GMDS: variants seen among roughly 807,000 people sequenced by gnomAD.
GMDS encodes GDP-mannose 4,6-dehydratase, also known as GDP-mannose 4,6 dehydratase.
GMDS carries 20 observed loss-of-function variants against 49.9 expected under a neutral mutation model. The observed-to-expected ratio is 0.40, with a 90% CI of 0.28 to 0.58. The LOEUF (loss-of-function observed/expected upper bound fraction) is 0.58, where lower values mean the gene tolerates loss of function less well. Ranked by LOEUF, GMDS falls within the 20% of genes least tolerant of loss-of-function variation. The pLI, the probability that GMDS is intolerant of heterozygous loss-of-function variation, is 0.42. For missense variants in GMDS, 362 were observed against 481.4 expected, an observed-to-expected ratio of 0.75 and a Z score of 2.32; for synonymous variants, 177 against 178.6, an observed-to-expected ratio of 0.99 and a Z score of 0.07.
At chr6:2,203,177 T>C (rs1779628962) in intron 1 of GMDS, among the ~76,000 whole-genome samples, 1 of 152,124 alleles carries the variant, frequency 6.6e-6, no homozygotes, top group East Asian at 1.9e-4. Flanking sequence ...TGTACTGGAG[T>C]TACTTTAGGC....
At chr6:2,091,091 C>T (rs1395746530) in intron 4 of GMDS, among the ~76,000 whole-genome samples, 1 of 152,138 alleles carries the variant, frequency 6.6e-6, no homozygotes, top group East Asian at 1.9e-4. Context: ...GTATGGAAGA[C>T]TTCATAATGT....
intron 9 of GMDS, among the ~76,000 whole-genome samples, chr6:1,704,821 A>G (rs1035915014): frequency 2.7e-5 from 4 of 149,934 alleles, no homozygotes; most frequent in Non-Finnish European, 5.9e-5. Context: ...CCTGGCTATG[A>G]CAGCATTTGT....
Position 1,704,400 on chromosome 6 carries a change from G to C in GMDS, c.987+22016C>G, listed in dbSNP as rs373080399. Among the ~76,000 whole-genome samples the C allele has an allele frequency of 1.7e-4, 26 of 152,282 alleles. No individual in the cohort carries two copies. In the East Asian group the frequency reaches 4.4e-3, roughly 26 times the overall value. On this transcript the variant is annotated intron_variant, in intron 9 of 10. Transcript: ENST00000380815. ...GTGGGCTCCATGGGGGTGGGCAACA[G>C]AGAGCCACTGAGGGTAACTGAGCAA...
intron 9 of GMDS, among the ~76,000 whole-genome samples, chr6:1,676,237 A>G (rs984554400): frequency 2.0e-5 from 3 of 152,232 alleles, no homozygotes; most frequent in Non-Finnish European, 4.4e-5. Context: ...AATGTGAAGG[A>G]CCTCTTCAAG....
chr6:1,848,055 G>A lies in GMDS; in HGVS notation c.771+82048C>T, dbSNP rs976021679. 2.6e-5 allele frequency among the ~76,000 whole-genome samples: 4 copies of A among 152,288 alleles called. No individual in the cohort carries two copies. The South Asian group carries it at 8.3e-4, about 32-fold the overall frequency. ...CGAAATGAGACTTGAAGGATGTGAG[G>A]TAGAAGGCAGGCACTGCTGTTAGTT... On this transcript the variant is annotated intron_variant, in intron 7 of 10. Coordinates refer to ENST00000380815, the MANE Select transcript of GMDS (RefSeq NM_001500.4).
intron 6 of GMDS, among the ~76,000 whole-genome samples, chr6:1,953,410 A>C (rs1327084444): frequency 6.6e-6 from 1 of 152,258 alleles, no homozygotes; most frequent in Non-Finnish European, 1.5e-5. Context: ...TAATCTAATC[A>C]TTAAATTTTT....
intron 9 of GMDS, among the ~76,000 whole-genome samples, chr6:1,724,780 C>T (rs1236361989): frequency 1.3e-5 from 2 of 152,208 alleles, no homozygotes; most frequent in Admixed American, 1.3e-4. Flanking sequence ...TGGCTGGCAT[C>T]TTCCTCCCTG....
At chr6:2,059,639 C>T (rs933122790) in intron 4 of GMDS, among the ~76,000 whole-genome samples, 9 of 121,216 alleles carry the variant, frequency 7.4e-5, no homozygotes, top group Non-Finnish European at 1.3e-4. Context: ...ACCCGGGAGG[C>T]GGAGCTTGCA....
At chr6:1,831,822 C>T (rs1028220667) in intron 7 of GMDS, among the ~76,000 whole-genome samples, 5 of 152,040 alleles carry the variant, frequency 3.3e-5, no homozygotes, top group African/African-American at 1.2e-4. Context: ...GTCACCATCT[C>T]TCACCAGGTC....
intron 7 of GMDS, among the ~76,000 whole-genome samples, chr6:1,857,542 C>T (rs956297987): frequency 6.6e-6 from 1 of 152,094 alleles, no homozygotes; most frequent in Non-Finnish European, 1.5e-5. Context: ...TGGAAAGTGC[C>T]CTTAAACTTA....
intron 7 of GMDS, among the ~76,000 whole-genome samples, chr6:1,825,310 A>G (rs1237358311): frequency 6.6e-6 from 1 of 152,232 alleles, no homozygotes; most frequent in African/African-American, 2.4e-5. Context: ...TACAAAGCAT[A>G]TATTTTCTTA....
chr6:1,986,346 A>G (rs143620763), intron 4 of GMDS, among the ~76,000 whole-genome samples: 136 of 152,274 alleles, frequency 8.9e-4, no homozygotes, highest in Non-Finnish European at 1.5e-3. Flanking sequence ...TGCTTCCCTC[A>G]ATGCTGGAGG....
intron 7 of GMDS, among the ~76,000 whole-genome samples, chr6:1,816,377 A>G (rs1330694251): frequency 1.3e-5 from 2 of 152,190 alleles, no homozygotes; most frequent in Non-Finnish European, 2.9e-5. Context: ...TAAATCACAT[A>G]AAACGACTGA....
intron 4 of GMDS, among the ~76,000 whole-genome samples, chr6:2,042,710 G>A (rs1271634911): frequency 6.6e-6 from 1 of 152,124 alleles, no homozygotes; most frequent in Non-Finnish European, 1.5e-5. Context: ...CCTATCTTGA[G>A]AAGTGCTCTT....
Position 1,833,580 on chromosome 6 carries a change from G to A in GMDS, c.772-90994C>T, listed in dbSNP as rs1756780702. Among the ~76,000 whole-genome samples the A allele has an allele frequency of 6.6e-6, 1 of 151,060 alleles. No individual in the cohort carries two copies. Among genetic ancestry groups the A allele is most frequent in the African/African-American group, 2.4e-5 (1 of 41,026 alleles). The stretch of plus-strand genomic sequence containing the variant: ...GAACATAACACAAGGTAATTAAATT[G>A]TAAATTACTTGAGAGAGAAATGTTT... On this transcript the variant is annotated intron_variant, in intron 7 of 10. Transcript: ENST00000380815. This position sits in a 1 kb window ranked among gnomAD's most constrained non-coding sequence, Gnocchi z 4.4.
chr6:1,750,789 C>A (rs1458477667), intron 7 of GMDS, among the ~76,000 whole-genome samples: 1 of 152,162 alleles, frequency 6.6e-6, no homozygotes, highest in African/African-American at 2.4e-5. Context: ...GCAGATCCCA[C>A]CCCCATGGTG....
At chr6:1,764,376 G>A (rs1053965851) in intron 7 of GMDS, among the ~76,000 whole-genome samples, 7 of 152,114 alleles carry the variant, frequency 4.6e-5, no homozygotes, top group African/African-American at 1.2e-4. Flanking sequence ...GAAAATACTC[G>A]ATGATAAAGG....
At chr6:1,986,973 C>G (rs976433216) in intron 4 of GMDS, among the ~76,000 whole-genome samples, 1 of 152,146 alleles carries the variant, frequency 6.6e-6, no homozygotes, top group Non-Finnish European at 1.5e-5. Flanking sequence ...CTCTTTATTT[C>G]ACACTGCAAA....
intron 4 of GMDS, among the ~76,000 whole-genome samples, chr6:1,989,162 G>C (rs981397672): frequency 6.6e-6 from 1 of 152,234 alleles, no homozygotes; most frequent in African/African-American, 2.4e-5. Context: ...AGTCCTACAA[G>C]TTACAATCTG....
Sources: gnomAD v4.1 joint callset for allele counts (sites outside exome capture counted in the v4.1 genomes callset) on GRCh38, gnomAD v4.1.1 for gene constraint, Gnocchi (gnomAD v3.1) non-coding constraint, MANE v1.5 for transcripts, NCBI Gene and HGNC (gene_info 2026-07-23, HGNC 2026-07-21) for gene names.